Variants in LRRK1 observed in about 807,000 individuals in gnomAD.
LRRK1 encodes leucine rich repeat kinase 1.
LRRK1 carries 113 observed loss-of-function variants against 209.1 expected under a neutral mutation model. The observed-to-expected ratio is 0.54, with a 90% CI of 0.46 to 0.63. The LOEUF (loss-of-function observed/expected upper bound fraction) is 0.63, where lower values mean the gene tolerates loss of function less well. Ranked by LOEUF, LRRK1 falls within the 30% of genes least tolerant of loss-of-function variation. The probability of loss-of-function intolerance (pLI) is 0.00; values close to 1 mark genes in which losing one functional copy is unlikely to be tolerated. For synonymous variants in LRRK1, 1,144 were observed against 1,099.7 expected (o/e 1.04, Z -0.80); for missense variants, 2,284 against 2,632.2 (o/e 0.87, Z 2.89).
In LRRK1 at chr15:101,027,624, C is replaced by A; in HGVS notation, c.2527-14C>A. 1 of 1,609,040 alleles carries A rather than the reference C, an allele frequency of 6.2e-7. No homozygotes were observed. The highest frequency in any genetic ancestry group is 1.3e-5 in the African/African-American group (1 of 74,962). On this transcript the variant is annotated splice_polypyrimidine_tract_variant and intron_variant, in intron 18 of 33. Transcript: ENST00000388948. This position sits in a 1 kb window ranked among gnomAD's most constrained non-coding sequence, Gnocchi z 5.1. ...GGGACCTGAGAGACCCTGCCTCGCC[C>A]AACTGTCCCCCAGATCCCCAGGAGC... is the stretch of plus-strand genomic sequence containing the variant.
chr15:100,923,790 G>A (rs1477470005), intron 1 of LRRK1, among the ~76,000 whole-genome samples: 1 of 152,196 alleles, frequency 6.6e-6, no homozygotes, highest in Non-Finnish European at 1.5e-5. Flanking sequence ...TACATTGTAG[G>A]ATGTTTAGCA....
chr15:101,024,816 A>C lies in LRRK1; in HGVS notation c.2081A>C (p.Glu694Ala). 6.2e-7 allele frequency: 1 copy of C among 1,613,782 alleles called. No individual in the cohort carries two copies. The highest frequency in any genetic ancestry group is 1.1e-5 in the South Asian group (1 of 91,074). The change falls in exon 16 of 34, where the codon GAG becomes GCG. Residue 694 changes from glutamate to alanine, a missense_variant. Coordinates refer to ENST00000388948, the MANE Select transcript of LRRK1 (RefSeq NM_024652.6). The surrounding 1 kb of genome is among the most constrained non-coding windows in gnomAD (Gnocchi z 4.6). Reference sequence around the variant, plus strand: ...TTGCTCAAGTAGGTTGAGTCCGTGGAGTTCAACGTCTGGGACATCGGGGGA... The same window carrying C: ...TTGCTCAAGTAGGTTGAGTCCGTGGCGTTCAACGTCTGGGACATCGGGGGA... ...AGSRAKVESV[E>A]FNVWDIGGPA...
intron 20 of LRRK1, among the ~76,000 whole-genome samples, chr15:101,035,100 C>T (rs2034444140): frequency 6.6e-6 from 1 of 151,842 alleles, no homozygotes; most frequent in Non-Finnish European, 1.5e-5. Flanking sequence ...TTTATTTCTG[C>T]TCTGACCCTT....
chr15:100,945,396 T>C (rs1191375295), intron 2 of LRRK1, among the ~76,000 whole-genome samples: 1 of 151,994 alleles, frequency 6.6e-6, no homozygotes, highest in Non-Finnish European at 1.5e-5. Context: ...TATGCACTTC[T>C]CTTACGATGA....
At chr15:100,983,831 C>A in intron 4 of LRRK1, 132 bp downstream of exon 4, 3 of 943,986 alleles carry the variant, frequency 3.2e-6, no homozygotes, top group Non-Finnish European at 5.2e-6. Context: ...CATTGACACC[C>A]AAACAAAGTG....
At chr15:100,931,294 G>A (rs375500046) in intron 2 of LRRK1, among the ~76,000 whole-genome samples, 3 of 152,176 alleles carry the variant, frequency 2.0e-5, no homozygotes, top group East Asian at 1.9e-4. Context: ...CCCAGGGGCC[G>A]TGGCACATTG....
intron 20 of LRRK1, among the ~76,000 whole-genome samples, chr15:101,044,701 C>G (rs2034961399): frequency 6.6e-6 from 1 of 152,244 alleles, no homozygotes; most frequent in South Asian, 2.1e-4. Flanking sequence ...CCCCCACTCT[C>G]TAAGCACACT....
intron 2 of LRRK1, 98 bp downstream of exon 2, chr15:100,924,827 G>A (rs1280335718): frequency 2.5e-6 from 2 of 796,186 alleles, no homozygotes; most frequent in Non-Finnish European, 4.2e-6. Context: ...TTCTCAACCA[G>A]TGGAAATCAA....
intron 2 of LRRK1, among the ~76,000 whole-genome samples, chr15:100,945,906 T>C (rs1567193667): frequency 6.6e-6 from 1 of 152,212 alleles, no homozygotes; most frequent in Admixed American, 6.5e-5. Flanking sequence ...TTAGATGCTC[T>C]ATCAAGATCT....
chr15:100,960,158 G>A (rs994012595), intron 2 of LRRK1, among the ~76,000 whole-genome samples: 1 of 152,022 alleles, frequency 6.6e-6, no homozygotes, highest in African/African-American at 2.4e-5. Context: ...CGTTTTGGGG[G>A]CTTCCTCCTT....
chr15:100,951,958 A>G (rs2042660907), intron 2 of LRRK1, among the ~76,000 whole-genome samples: 1 of 131,920 alleles, frequency 7.6e-6, no homozygotes, highest in African/African-American at 2.7e-5. Flanking sequence ...CATCTCAGAA[A>G]AAAAAAAATA....
intron 6 of LRRK1, among the ~76,000 whole-genome samples, chr15:100,993,525 C>T (rs139124511): frequency 2.2e-4 from 33 of 152,310 alleles, no homozygotes; most frequent in Non-Finnish European, 4.0e-4. Context: ...TATCAAATGG[C>T]CACCTTAATC....
At chr15:100,970,641 A>G (rs2030803932) in intron 2 of LRRK1, among the ~76,000 whole-genome samples, 1 of 152,190 alleles carries the variant, frequency 6.6e-6, no homozygotes, top group South Asian at 2.1e-4. Context: ...CTTTTTCAAG[A>G]TTGCTTTGGC....
At chr15:101,029,258 G>A in intron 20 of LRRK1, 26 bp downstream of exon 20, 1 of 1,585,442 alleles carries the variant, frequency 6.3e-7, no homozygotes, top group Non-Finnish European at 8.6e-7. Context: ...AACACGCCAG[G>A]CTGTGCAGGT....
At chr15:101,019,960 G>A (rs1210214114) in intron 12 of LRRK1, among the ~76,000 whole-genome samples, 1 of 152,164 alleles carries the variant, frequency 6.6e-6, no homozygotes, top group Non-Finnish European at 1.5e-5. Context: ...ATCTCATAGT[G>A]AGCCTAATTA....
intron 2 of LRRK1, among the ~76,000 whole-genome samples, chr15:100,951,780 T>C (rs111674361): frequency 0.074 from 11,270 of 151,918 alleles, 772 homozygotes; most frequent in African/African-American, 0.18. Flanking sequence ...GGTGAAATCC[T>C]GTTTCTACTA....
At chr15:100,979,801 C>A (rs1455855) in intron 3 of LRRK1, among the ~76,000 whole-genome samples, 1 of 151,928 alleles carries the variant, frequency 6.6e-6, no homozygotes, top group South Asian at 2.1e-4. Context: ...GGAAGATACA[C>A]AGATGGCAAA....
chr15:101,008,487 C>T (rs1306471245), intron 6 of LRRK1, among the ~76,000 whole-genome samples: 2 of 152,148 alleles, frequency 1.3e-5, no homozygotes, highest in Non-Finnish European at 2.9e-5. Context: ...GACGCTTCAG[C>T]GGTCTCCTCT....
At position 101,061,255 on chromosome 15, in the gene LRRK1, C is replaced by G. The variant is rs780297504; in HGVS notation, c.4764C>G (p.Leu1588=). 23 of 1,613,944 alleles carry G rather than the reference C, an allele frequency of 1.4e-5. No homozygotes were observed. The highest frequency in any genetic ancestry group is 2.2e-5 in the South Asian group (2 of 91,078). The change falls in exon 30 of 34, where the codon CTC becomes CTG. Residue 1588 remains leucine (L), a synonymous_variant. Coordinates refer to ENST00000388948, the MANE Select transcript of LRRK1 (RefSeq NM_024652.6). ...CCPGMKVSCQ[L]QVQRSLWTAT... is the part of the protein sequence containing the mutation. ...CTGGGATGAAGGTGAGCTGCCAGCTCCAGGTCCAGAGATCCCTGTGGACAG... is the reference window on the plus strand; with the variant it reads ...CTGGGATGAAGGTGAGCTGCCAGCTGCAGGTCCAGAGATCCCTGTGGACAG...
Sources: gnomAD v4.1 joint callset for allele counts (sites outside exome capture counted in the v4.1 genomes callset) on GRCh38, gnomAD v4.1.1 for gene constraint, Gnocchi (gnomAD v3.1) non-coding constraint, MANE v1.5 for transcripts, NCBI Gene and HGNC (gene_info 2026-07-23, HGNC 2026-07-21) for gene names.